IKZF3: variants seen among roughly 807,000 people sequenced by gnomAD.
IKZF3 encodes IKAROS family zinc finger 3.
A neutral mutation model predicts 49.0 loss-of-function variants in IKZF3; 10 were observed. That is an observed-to-expected ratio of 0.20 (90% CI 0.13 to 0.35). The LOEUF (loss-of-function observed/expected upper bound fraction) is 0.35. Ranked by LOEUF, IKZF3 falls within the 10% of genes least tolerant of loss-of-function variation. The probability of loss-of-function intolerance (pLI) is 1.00; values close to 1 mark genes in which losing one functional copy is unlikely to be tolerated. For missense variants in IKZF3, 498 were observed against 664.8 expected, an observed-to-expected ratio of 0.75 and a Z score of 2.76; for synonymous variants, 209 against 228.2, an observed-to-expected ratio of 0.92 and a Z score of 0.76.
In IKZF3 at chr17:39,757,718, T is replaced by C. The variant is rs1456380951; in HGVS notation, c.*8072A>G. 1 of 152,224 alleles carries C rather than the reference T, an allele frequency of 6.6e-6. No homozygotes were observed. Among genetic ancestry groups the C allele is most frequent in the South Asian group, 2.1e-4 (1 of 4,838 alleles). 9.4% of individuals were successfully genotyped at this position (152,224 alleles called of 1,614,324 possible). A position where few individuals can be genotyped will look rare whatever the true frequency, so the allele number is the denominator to read the frequency against. ...AGTGATAAGGATGCACAAGGACTAA[T>C]TTCAAACATACCAGGATTTTTTTAT... On this transcript the variant is annotated 3_prime_UTR_variant, in exon 8 of 8. Coordinates refer to ENST00000346872, the MANE Select transcript of IKZF3 (RefSeq NM_012481.5).
intron 3 of IKZF3, among the ~76,000 whole-genome samples, chr17:39,797,940 C>T (rs1302669711): frequency 6.7e-6 from 1 of 149,956 alleles, no homozygotes; most frequent in African/African-American, 2.5e-5. Flanking sequence ...CCAGGTGTAA[C>T]CTCTCTCCCT....
At chr17:39,813,531 C>A in intron 3 of IKZF3, among the ~76,000 whole-genome samples, 1 of 151,640 alleles carries the variant, frequency 6.6e-6, no homozygotes, top group Non-Finnish European at 1.5e-5. Flanking sequence ...GTAGTCACAG[C>A]TACTCTGGAG....
At chr17:39,808,376 G>A (rs1015580994) in intron 3 of IKZF3, among the ~76,000 whole-genome samples, 5 of 152,118 alleles carry the variant, frequency 3.3e-5, no homozygotes, top group Admixed American at 2.6e-4. Context: ...TGGCCTGATT[G>A]GACATTTCCC....
intron 1 of IKZF3, among the ~76,000 whole-genome samples, chr17:39,861,587 A>G (rs545307522): frequency 1.6e-4 from 24 of 152,272 alleles, no homozygotes; most frequent in Non-Finnish European, 2.8e-4. Context: ...TACGCTCACA[A>G]TGGAGGGCAA....
intron 3 of IKZF3, among the ~76,000 whole-genome samples, chr17:39,817,314 T>TA (rs1254920008): frequency 6.6e-6 from 1 of 152,210 alleles, no homozygotes; most frequent in African/African-American, 2.4e-5. Context: ...CAAATGACAT[T>TA]AAAAAATAAA....
rs1414794864 is a variant in IKZF3, at chr17:39,758,014, A to C, written c.*7776T>G. On this transcript the variant is annotated 3_prime_UTR_variant, in exon 8 of 8. Transcript: ENST00000346872. ...AGGCTGTGAGCACAGGCTGTGTCAA[A>C]ACCCAGGGCAAGGGCTCCCTCCCGC... is the stretch of plus-strand genomic sequence containing the variant. 1 of 152,172 alleles carries C rather than the reference A, an allele frequency of 6.6e-6. No homozygotes were observed. Among genetic ancestry groups the C allele is most frequent in the Non-Finnish European group, 1.5e-5 (1 of 68,036 alleles). The allele number at this position is 152,172 out of a possible 1,614,324, so 9.4% of individuals were successfully genotyped here. A position where few individuals can be genotyped will look rare whatever the true frequency, so the allele number is the denominator to read the frequency against.
At chr17:39,798,797 G>T (rs2061241458) in intron 3 of IKZF3, among the ~76,000 whole-genome samples, 1 of 152,034 alleles carries the variant, frequency 6.6e-6, no homozygotes, top group African/African-American at 2.4e-5. Context: ...GAGCCACTGC[G>T]CCTGGCCACT....
chr17:39,802,464 G>A (rs559603565), intron 3 of IKZF3, among the ~76,000 whole-genome samples: 15 of 151,516 alleles, frequency 9.9e-5, no homozygotes, highest in Admixed American at 6.6e-4. Flanking sequence ...AAAATTAGCC[G>A]GATGTGGTAG....
chr17:39,855,169 A>G (rs998979392), intron 1 of IKZF3, among the ~76,000 whole-genome samples: 4 of 152,178 alleles, frequency 2.6e-5, no homozygotes, highest in African/African-American at 7.2e-5. Flanking sequence ...TCCTTCTCCA[A>G]TCTCTCATTT....
chr17:39,842,823 T>C (rs1208074568), intron 1 of IKZF3, among the ~76,000 whole-genome samples: 2 of 152,188 alleles, frequency 1.3e-5, no homozygotes, highest in East Asian at 3.8e-4. Flanking sequence ...AGCACCTATA[T>C]AATGGAAAAG....
chr17:39,787,396 T>C (rs938075726), intron 6 of IKZF3, among the ~76,000 whole-genome samples: 3 of 152,188 alleles, frequency 2.0e-5, no homozygotes, highest in Non-Finnish European at 4.4e-5. Flanking sequence ...CAAAGCCAAA[T>C]AGAAGCATCA....
intron 1 of IKZF3, among the ~76,000 whole-genome samples, chr17:39,842,917 T>A (rs2062521559): frequency 6.6e-6 from 1 of 152,192 alleles, no homozygotes; most frequent in African/African-American, 2.4e-5. Context: ...TGCCTTCTGA[T>A]AGTGAGTAGA....
intron 1 of IKZF3, among the ~76,000 whole-genome samples, chr17:39,861,845 T>C (rs1016053724): frequency 1.3e-5 from 2 of 152,140 alleles, no homozygotes; most frequent in African/African-American, 4.8e-5. Context: ...TAACTCAGAG[T>C]TGCCGAGATA....
At chr17:39,803,796 A>G (rs2061375639) in intron 3 of IKZF3, among the ~76,000 whole-genome samples, 1 of 152,184 alleles carries the variant, frequency 6.6e-6, no homozygotes, top group Non-Finnish European at 1.5e-5. Context: ...TACAGGCGTG[A>G]GCCACCGCGC....
At chr17:39,818,683 C>G (rs1419332628) in intron 3 of IKZF3, among the ~76,000 whole-genome samples, 1 of 152,008 alleles carries the variant, frequency 6.6e-6, no homozygotes, top group African/African-American at 2.4e-5. Flanking sequence ...GATGGTAAAA[C>G]CCCGTCTCTC....
intron 3 of IKZF3, among the ~76,000 whole-genome samples, chr17:39,798,171 G>A (rs991518501): frequency 1.3e-5 from 2 of 152,006 alleles, no homozygotes; most frequent in African/African-American, 4.8e-5. Flanking sequence ...TCTACTTATT[G>A]CTGTAGCCCC....
intron 3 of IKZF3, among the ~76,000 whole-genome samples, chr17:39,799,845 ATT>A (rs1444988839): frequency 1.3e-5 from 2 of 152,162 alleles, no homozygotes; most frequent in African/African-American, 4.8e-5. Flanking sequence ...TAGAAAAAAA[ATT>A]ATGTTTCTTT....
chr17:39,814,351 C>T (rs926542252), intron 3 of IKZF3, among the ~76,000 whole-genome samples: 14 of 151,806 alleles, frequency 9.2e-5, no homozygotes, highest in Admixed American at 8.5e-4. Context: ...TAAATACATA[C>T]ACCGATTGAT....
At chr17:39,855,848 A>G (rs1394861767) in intron 1 of IKZF3, among the ~76,000 whole-genome samples, 1 of 152,102 alleles carries the variant, frequency 6.6e-6, no homozygotes, top group Non-Finnish European at 1.5e-5. Context: ...TTTAACATTC[A>G]TTTTATTTCA....
Sources: gnomAD v4.1 joint callset for allele counts (sites outside exome capture counted in the v4.1 genomes callset) on GRCh38, gnomAD v4.1.1 for gene constraint, MANE v1.5 for transcripts, NCBI Gene and HGNC (gene_info 2026-07-23, HGNC 2026-07-21) for gene names.